The following MGAM variants were observed in gnomAD, a reference collection of about 807,000 sequenced individuals.
MGAM encodes the protein maltase-glucoamylase, also known as alpha-1,4-glucosidase.
MGAM carries 253 observed loss-of-function variants against 358.8 expected under a neutral mutation model. The observed-to-expected ratio is 0.71, with a 90% CI of 0.64 to 0.78. The LOEUF is 0.78. MGAM is among the 30% of genes least tolerant of loss of function. The pLI, the probability that MGAM is intolerant of heterozygous loss-of-function variation, is 0.00. For synonymous variants in MGAM, 1,105 were observed against 1,227.1 expected (o/e 0.90, Z 2.08); for missense variants, 3,080 against 3,432.6 (o/e 0.90, Z 2.57).
At chr7:142,060,267 GAA>G (rs767564809) in intron 33 of MGAM, 42 bp from the exon 34 acceptor site, 1 of 1,600,882 alleles carries the variant, frequency 6.2e-7, no homozygotes, top group South Asian at 1.1e-5. Flanking sequence ...CTATGTAAGG[GAA>G]ATTGTCTAGT....
At chr7:141,996,288 G>A (rs1313823682) in intron 1 of MGAM, among the ~76,000 whole-genome samples, 1 of 145,804 alleles carries the variant, frequency 6.9e-6, no homozygotes, top group Non-Finnish European at 1.5e-5. Flanking sequence ...GTCGTAGAGC[G>A]ATACTCCGTC....
intron 37 of MGAM, 142 bp from the exon 38 acceptor site, chr7:142,065,193 C>T (rs1302875892): frequency 3.4e-5 from 40 of 1,168,874 alleles, no homozygotes; most frequent in South Asian, 1.9e-4. Context: ...ATCAGTGGAA[C>T]TCCTATTACA....
intron 44 of MGAM, among the ~76,000 whole-genome samples, chr7:142,071,927 A>G (rs1030020324): frequency 1.4e-5 from 2 of 146,266 alleles, no homozygotes; most frequent in African/African-American, 4.9e-5. Context: ...TGTCTTTAAT[A>G]GACTAGGAGT....
In MGAM at chr7:142,105,912, A is replaced by C. The variant is rs374495053; in HGVS notation, c.*21A>C. On this transcript the variant is annotated 3_prime_UTR_variant, in exon 71 of 71. Coordinates refer to ENST00000475668, the MANE Select transcript of MGAM (RefSeq NM_001365693.1). ...TGTGAATTTTTACAGCAAGATTCTA[A>C]CTAACTATGAATGACTTTGAAACTA... is the stretch of plus-strand genomic sequence containing the variant. 1.3e-6 allele frequency: 2 copies of C among 1,536,842 alleles called. No homozygotes were observed. The highest frequency in any genetic ancestry group is 4.5e-5 in the East Asian group (2 of 44,530).
rs908825519 is a variant in MGAM at position 142,040,387 on chromosome 7, C to T, written c.2373+216C>T. ...AAATACCTTCATATACTTTATTTAG[C>T]AATAAGATAGGCTGACATAGTATCT... On this transcript the variant is annotated intron_variant, in intron 20 of 70. Coordinates refer to ENST00000475668, the MANE Select transcript of MGAM (RefSeq NM_001365693.1). 7 of 586,906 alleles carry T rather than the reference C, an allele frequency of 1.2e-5. No homozygotes were observed. The African/African-American group carries it at 1.3e-4, about 11-fold the overall frequency. 36.4% of individuals were successfully genotyped at this position (586,906 alleles called of 1,614,324 possible). A position where few individuals can be genotyped will look rare whatever the true frequency, so the allele number is the denominator to read the frequency against.
At chr7:142,101,809 G>C (rs1166859364) in intron 68 of MGAM, among the ~76,000 whole-genome samples, 1 of 151,904 alleles carries the variant, frequency 6.6e-6, no homozygotes, top group Non-Finnish European at 1.5e-5. Flanking sequence ...TTGGGAGGCT[G>C]AGGTAGGAGA....
Position 142,059,957 on chromosome 7 carries a change from C to T in MGAM, c.4050C>T (p.Val1350=), listed in dbSNP as rs1811957132. The part of the protein sequence containing the change: ...FIKYPNDGDI[V]WGKVWPDFPD... ...AATACCCAAATGATGGAGACATTGT[C>T]TGGGGAAAGGTATAATCCTAAGCGA... The change falls in exon 33 of 71, where the codon GTC becomes GTT. Residue 1350 remains valine, a synonymous_variant. Transcript: ENST00000475668. 1 of 1,603,668 alleles carries T rather than the reference C, an allele frequency of 6.2e-7. No individual in the cohort carries two copies. Among genetic ancestry groups the T allele is most frequent in the Non-Finnish European group, 8.5e-7 (1 of 1,174,988 alleles).
At position 142,069,866 on chromosome 7, in the gene MGAM, G is replaced by A. The variant is rs1365684084; in HGVS notation, c.5062-1128G>A. ...AGATATCTTTGATGGAAGAGGGAAAGACAAAAGAAGTCATGGAGCAAGCTG... is the reference window on the plus strand; with the variant it reads ...AGATATCTTTGATGGAAGAGGGAAAAACAAAAGAAGTCATGGAGCAAGCTG... On this transcript the variant is annotated intron_variant, in intron 43 of 70. Coordinates refer to ENST00000475668, the MANE Select transcript of MGAM (RefSeq NM_001365693.1). Among the ~76,000 whole-genome samples, 11 of 145,630 alleles carry A rather than the reference G, an allele frequency of 7.6e-5. 2 individuals are homozygous for A. In the South Asian group the frequency reaches 2.4e-3, roughly 32 times the overall value.
intron 26 of MGAM, among the ~76,000 whole-genome samples, chr7:142,053,983 G>A (rs1811260846): frequency 6.6e-6 from 1 of 152,114 alleles, no homozygotes; most frequent in African/African-American, 2.4e-5. Flanking sequence ...GCCTCTTTCT[G>A]GCCCACTTTA....
chr7:142,050,195 G>A, intron 22 of MGAM, 40 bp from the exon 23 acceptor site: 1 of 1,602,416 alleles, frequency 6.2e-7, no homozygotes, highest in Non-Finnish European at 8.6e-7. Flanking sequence ...CTTCTGAGGT[G>A]GGCAGGCCAG....
intron 17 of MGAM, 50 bp downstream of exon 17, chr7:142,036,335 C>A: frequency 7.4e-7 from 1 of 1,355,582 alleles, no homozygotes; most frequent in Non-Finnish European, 1.0e-6. Flanking sequence ...TACATTAGGA[C>A]TAGATCTGTC....
chr7:142,029,922 G>A (rs978986400), intron 10 of MGAM, among the ~76,000 whole-genome samples: 2 of 152,180 alleles, frequency 1.3e-5, no homozygotes, highest in Non-Finnish European at 2.9e-5. Context: ...AAGATGTGGG[G>A]TAGAAGCGAA....
At chr7:142,060,740 T>G (rs1340439809) in intron 34 of MGAM, among the ~76,000 whole-genome samples, 1 of 152,258 alleles carries the variant, frequency 6.6e-6, no homozygotes, top group Admixed American at 6.5e-5. Context: ...ACTGGCATAC[T>G]TACTGTTGTT....
chr7:142,041,706 T>A (rs1461064332), intron 21 of MGAM, among the ~76,000 whole-genome samples: 2 of 150,172 alleles, frequency 1.3e-5, no homozygotes, highest in East Asian at 3.9e-4. Flanking sequence ...ACGTATGTAT[T>A]TTACAACATT....
chr7:142,038,512 C>T lies in MGAM; in HGVS notation c.2232-19C>T, dbSNP rs2129009723. The T allele has an allele frequency of 2.5e-6, 4 of 1,586,126 alleles. No homozygotes were observed. Among genetic ancestry groups the T allele is most frequent in the Non-Finnish European group, 3.4e-6 (4 of 1,162,116 alleles). On this transcript the variant is annotated intron_variant, in intron 18 of 70. Transcript: ENST00000475668. ...TGGCAGTGGCTCAAATCTCAGTGAA[C>T]TGTCTCTCTGGTTTTCAGGTTCTAC... is the stretch of plus-strand genomic sequence containing the variant.
intron 17 of MGAM, 48 bp downstream of exon 17, chr7:142,036,333 G>T (rs781831127): frequency 3.0e-5 from 42 of 1,385,144 alleles, no homozygotes; most frequent in Non-Finnish European, 3.8e-5. Context: ...CATACATTAG[G>T]ACTAGATCTG....
chr7:142,059,324 A>C, intron 31 of MGAM, 148 bp from the exon 32 acceptor site: 1 of 1,360,746 alleles, frequency 7.3e-7, no homozygotes, highest in Non-Finnish European at 9.9e-7. Context: ...ATTTCCCAGC[A>C]CCTGTACCTA....
chr7:142,091,094 A>G lies in MGAM; in HGVS notation c.6811-819A>G, dbSNP rs919834152. 5.5e-5 allele frequency among the ~76,000 whole-genome samples: 8 copies of G among 144,758 alleles called. 2 individuals are homozygous for G. Among genetic ancestry groups the G allele is most frequent in the Non-Finnish European group, 1.2e-4 (8 of 64,048 alleles). 95.0% of individuals were successfully genotyped at this position (144,758 alleles called of 152,430 possible). ...AAACTACGTCTCTACTAGAAATACA[A>G]AAATTAGCCAGGTGTAGTGGTGTGT... is the stretch of plus-strand genomic sequence containing the variant. On this transcript the variant is annotated intron_variant, in intron 57 of 70. Transcript: ENST00000475668.
chr7:142,083,372 T>C lies in MGAM; in HGVS notation c.6340T>C (p.Leu2114=). 6.4e-7 allele frequency: 1 copy of C among 1,554,180 alleles called. No individual in the cohort carries two copies. The highest frequency in any genetic ancestry group is 2.3e-5 in the East Asian group (1 of 43,904). ...GGGAGTTCTGGACTTTTATGTGTTC[T>C]TGGGGCCAACTCCAGAGCTTGTCAC... ...TGGVLDFYVF[L]GPTPELVTQQ... The change falls in exon 53 of 71, where the codon TTG becomes CTG. Residue 2114 remains leucine, a synonymous_variant. Coordinates refer to ENST00000475668, the MANE Select transcript of MGAM (RefSeq NM_001365693.1).
Sources: allele counts gnomAD v4.1 joint callset (sites outside exome capture counted in the v4.1 genomes callset), GRCh38; gene constraint gnomAD v4.1.1; transcripts MANE v1.5; gene names NCBI Gene and HGNC (gene_info 2026-07-23, HGNC 2026-07-21).